The following HSF4 variants were observed in gnomAD, a reference collection of about 807,000 sequenced individuals.
HSF4 encodes the protein heat shock transcription factor 4.
A neutral mutation model predicts 52.0 loss-of-function variants in HSF4; 41 were observed. That is an observed-to-expected ratio of 0.79 (90% confidence interval 0.61 to 1.02). The LOEUF (loss-of-function observed/expected upper bound fraction) is 1.02, where lower values mean the gene tolerates loss of function less well. Ranked by LOEUF, HSF4 falls within the 50% of genes least tolerant of loss-of-function variation. The pLI is 0.00. For synonymous variants in HSF4, 285 were observed against 273.0 expected (o/e 1.04, Z -0.43); for missense variants, 610 against 651.1 (o/e 0.94, Z 0.69).
At chr16:67,167,260 T>C (rs1271016400) in intron 7 of HSF4, 38 bp downstream of exon 7, 1 of 1,613,662 alleles carries the variant, frequency 6.2e-7, no homozygotes, top group Admixed American at 1.7e-5. Flanking sequence ...AGGGCATGGC[T>C]GGGCTTATGG....
chr16:67,167,621 CT>C (rs771579553), intron 8 of HSF4, 22 bp downstream of exon 8: 11 of 1,612,670 alleles, frequency 6.8e-6, no homozygotes, highest in Non-Finnish European at 9.3e-6. Context: ...AGGGCTGCCC[CT>C]GAGGGGCCTG....
rs777675848 is a variant in HSF4, at chr16:67,165,520, A to G, written c.124-2A>G. On this transcript the variant is annotated splice_acceptor_variant, in intron 1 of 12. Transcript: ENST00000521374. LOFTEE classifies it high-confidence loss of function. This position sits in a 1 kb window ranked among gnomAD's most constrained non-coding sequence, Gnocchi z 6.9. Reference sequence around the variant, plus strand: ...ACGGTGGGCGGGCGGCGTTCTTGGTAGAGCGGGACCAGTTTCCTCGTAAGC... The same window carrying G: ...ACGGTGGGCGGGCGGCGTTCTTGGTGGAGCGGGACCAGTTTCCTCGTAAGC... 1 of 1,611,416 alleles carries G rather than the reference A, an allele frequency of 6.2e-7. No individual in the cohort carries two copies. The highest frequency in any genetic ancestry group is 2.2e-5 in the East Asian group (1 of 44,794).
chr16:67,167,885 C>G lies in HSF4; in HGVS notation c.1020C>G (p.Ser340Arg), dbSNP rs1310541611. Residue 340 changes from serine to arginine, a missense_variant, in exon 9 of 13, where the codon AGC becomes AGG. Ser to Arg is a moderately radical substitution (Grantham distance 110). Coordinates refer to ENST00000521374, the MANE Select transcript of HSF4 (RefSeq NM_001374675.1). The stretch of plus-strand genomic sequence containing the variant: ...TCCTGGAAGGGAAAGGGAGCTTCAG[C>G]CCCGAGGGGCCCAGGAATGCCCAAC... The part of the protein sequence containing the change: ...QAILEGKGSF[S>R]PEGPRNAQQP... 3 of 1,605,892 alleles carry G rather than the reference C, an allele frequency of 1.9e-6. No homozygotes were observed. Among genetic ancestry groups the G allele is most frequent in the Non-Finnish European group, 8.5e-7 (1 of 1,177,720 alleles).
At position 67,165,849 on chromosome 16, in the gene HSF4, G is replaced by C. The variant is rs749340564; in HGVS notation, c.360+3G>C. The C allele has an allele frequency of 1.2e-6, 2 of 1,602,260 alleles. No homozygotes were observed. The highest frequency in any genetic ancestry group is 8.5e-7 in the Non-Finnish European group (1 of 1,178,868). ...TACTGGAGCGCGTGCGGCGCAAGGT[G>C]GGGGCGGCCTGCGGGAATGAGCAAA... On this transcript the variant is annotated splice_donor_region_variant and intron_variant, in intron 3 of 12. Transcript: ENST00000521374. The surrounding 1 kb of genome is among the most constrained non-coding windows in gnomAD (Gnocchi z 6.9).
In HSF4 at chr16:67,169,117, G is replaced by C. The variant is rs780725888; in HGVS notation, c.1254+16G>C. On this transcript the variant is annotated intron_variant, in intron 11 of 12. Transcript: ENST00000521374. The surrounding 1 kb of genome is among the most constrained non-coding windows in gnomAD (Gnocchi z 4.3). ...GCTGTCCTTGGTAAGAAGTGGGTCG[G>C]GGAGGGCAGAGGCCAGGGGTGGCTG... is the stretch of plus-strand genomic sequence containing the variant. 2 of 1,611,702 alleles carry C rather than the reference G, an allele frequency of 1.2e-6. No individual in the cohort carries two copies. The highest frequency in any genetic ancestry group is 8.5e-7 in the Non-Finnish European group (1 of 1,179,884).
chr16:67,169,369 T>A lies in HSF4; in HGVS notation c.1324+21T>A, dbSNP rs767418042. 6.2e-7 allele frequency: 1 copy of A among 1,609,192 alleles called. No individual in the cohort carries two copies. The highest frequency in any genetic ancestry group is 8.5e-7 in the Non-Finnish European group (1 of 1,177,838). On this transcript the variant is annotated intron_variant, in intron 12 of 12. Coordinates refer to ENST00000521374, the MANE Select transcript of HSF4 (RefSeq NM_001374675.1). The surrounding 1 kb of genome is among the most constrained non-coding windows in gnomAD (Gnocchi z 4.3). The stretch of plus-strand genomic sequence containing the variant: ...CCCAGGTAATGGTTGTGATGACTCC[T>A]ACCTGGGAGGACGCCGTGATTGGGC...
chr16:67,164,539 C>A, upstream of HSF4: 1 of 652,078 alleles, frequency 1.5e-6, no homozygotes, highest in East Asian at 3.0e-5. Context: ...GAACCCAAGT[C>A]TCCCACTCAT....
intron 9 of HSF4, 25 bp downstream of exon 9, chr16:67,167,972 T>C (rs771861690): frequency 6.5e-7 from 1 of 1,537,760 alleles, no homozygotes; most frequent in South Asian, 1.2e-5. Context: ...AGCTGGCCCA[T>C]GAGCCCTGTG....
Position 67,164,824 on chromosome 16 carries a change from C to A in HSF4, c.13C>A (p.Pro5Thr). Residue 5 changes from proline to threonine, a missense_variant, in exon 1 of 13, where the codon CCA (proline) becomes ACA (threonine). Physicochemically the swap from Pro to Thr is conservative, Grantham distance 38. Coordinates refer to ENST00000521374, the MANE Select transcript of HSF4 (RefSeq NM_001374675.1). ...CCGAGACTGCACCATGCAGGAAGCG[C>A]CAGCTGCGCTGCCCACGGAGCCAGG... MQEAPAALPTEPGPS... is the reference protein window; with the variant it reads MQEATAALPTEPGPS... 1 of 1,601,190 alleles carries A rather than the reference C, an allele frequency of 6.2e-7. No individual in the cohort carries two copies. The highest frequency in any genetic ancestry group is 1.7e-5 in the Admixed American group (1 of 59,690).
In HSF4 at chr16:67,167,190, G is replaced by A; in HGVS notation, c.697G>A (p.Ala233Thr). The A allele has an allele frequency of 2.5e-6, 4 of 1,614,174 alleles. No individual in the cohort carries two copies. Among genetic ancestry groups the A allele is most frequent in the South Asian group, 1.1e-5 (1 of 91,086 alleles). ...GTTCAACACCTGCCCTCTACCTGGT[G>A]CCCTTCTGCAGGACCCCTACTTCAT... is the stretch of plus-strand genomic sequence containing the variant. ...AKFNTCPLPGALLQDPYFIQS... is the reference protein window; with the variant it reads ...AKFNTCPLPGTLLQDPYFIQS... Residue 233 changes from alanine to threonine, a missense_variant, in exon 7 of 13, where the codon GCC (alanine) becomes ACC (threonine). Physicochemically the swap from Ala to Thr is moderately conservative, Grantham distance 58. Transcript: ENST00000521374.
intron 5 of HSF4, 76 bp downstream of exon 5, chr16:67,166,471 C>T: frequency 1.3e-6 from 2 of 1,595,796 alleles, no homozygotes; most frequent in South Asian, 2.2e-5. Context: ...CCCCGGCGCC[C>T]CTGTTAAGCC....
intron 4 of HSF4, 96 bp downstream of exon 4, chr16:67,166,166 C>A: frequency 7.0e-7 from 1 of 1,421,736 alleles, no homozygotes; most frequent in Non-Finnish European, 9.6e-7. Flanking sequence ...CCCTTCCTCT[C>A]TCCTGCCTTG....
rs760450511 is a variant in HSF4, at chr16:67,166,407, C to T, written c.561+12C>T. The T allele has an allele frequency of 1.9e-6, 3 of 1,606,386 alleles. No individual in the cohort carries two copies. The highest frequency in any genetic ancestry group is 1.7e-6 in the Non-Finnish European group (2 of 1,176,156). On this transcript the variant is annotated intron_variant, in intron 5 of 12. Transcript: ENST00000521374. Reference sequence around the variant, plus strand: ...GGGTCATTGGCAAGGTGTTCCTCTCCCCAAGCCTCGCTTCTCCCTCCCACT... The same window carrying T: ...GGGTCATTGGCAAGGTGTTCCTCTCTCCAAGCCTCGCTTCTCCCTCCCACT...
At position 67,166,365 on chromosome 16, in the gene HSF4, C is replaced by T. The variant is rs765709564; in HGVS notation, c.531C>T (p.Ser177=). The change falls in exon 5 of 13, where the codon AGC becomes AGT. Residue 177 remains serine (S), a synonymous_variant. Transcript: ENST00000521374. ...LWREVVTLRQ[S]HGQQHRVIGK... is the part of the protein sequence containing the mutation. ...GGGAGGTGGTGACACTTCGGCAGAG[C>T]CACGGTCAGCAGCACCGGGTCATTG... is the stretch of plus-strand genomic sequence containing the variant. 1.2e-6 allele frequency: 2 copies of T among 1,609,266 alleles called. No individual in the cohort carries two copies. The highest frequency in any genetic ancestry group is 1.1e-5 in the South Asian group (1 of 90,296).
upstream of HSF4, chr16:67,163,844 C>A: frequency 6.6e-7 from 1 of 1,526,650 alleles, no homozygotes; most frequent in Non-Finnish European, 8.7e-7. Flanking sequence ...CTCCCCCGTC[C>A]CCGTGGACGT....
At position 67,169,678 on chromosome 16, in the gene HSF4, G is replaced by T; in HGVS notation, c.1372G>T (p.Ala458Ser). The stretch of plus-strand genomic sequence containing the variant: ...CCCACTCCTGCTGGATGTCCAGGCG[G>T]CCTTGGGAGGCCCAGCCCTGGGCCT... The part of the protein sequence containing the change: ...GAPLLLDVQA[A>S]LGGPALGLPG... The change falls in exon 13 of 13, where the codon GCC becomes TCC. Residue 458 changes from alanine (A) to serine (S), a missense_variant. Physicochemically the swap from Ala to Ser is moderately conservative, Grantham distance 99. Transcript: ENST00000521374. This position sits in a 1 kb window ranked among gnomAD's most constrained non-coding sequence, Gnocchi z 4.3. The T allele has an allele frequency of 2.5e-6, 4 of 1,612,246 alleles. No individual in the cohort carries two copies. Among genetic ancestry groups the T allele is most frequent in the Non-Finnish European group, 2.5e-6 (3 of 1,179,996 alleles).
Position 67,169,235 on chromosome 16 carries a change from C to G in HSF4, c.1255-44C>G. On this transcript the variant is annotated intron_variant, in intron 11 of 12. Coordinates refer to ENST00000521374, the MANE Select transcript of HSF4 (RefSeq NM_001374675.1). This position sits in a 1 kb window ranked among gnomAD's most constrained non-coding sequence, Gnocchi z 4.3. The stretch of plus-strand genomic sequence containing the variant: ...GTGATTTCCCAGCTGTCCCCCTCAG[C>G]TGCTAGGTCCCCTCCCCAGCTGCTC... The G allele has an allele frequency of 2.5e-6, 4 of 1,611,720 alleles. No homozygotes were observed. Among genetic ancestry groups the G allele is most frequent in the Non-Finnish European group, 3.4e-6 (4 of 1,179,482 alleles).
In HSF4 at chr16:67,165,798, G is replaced by A. The variant is rs1425904372; in HGVS notation, c.312G>A (p.Pro104=). Residue 104 remains proline, a synonymous_variant, in exon 3 of 13, where the codon CCG becomes CCA. Coordinates refer to ENST00000521374, the MANE Select transcript of HSF4 (RefSeq NM_001374675.1). This position sits in a 1 kb window ranked among gnomAD's most constrained non-coding sequence, Gnocchi z 6.9. ...PERDHVEFQH[P]SFVRGREQLL... Reference sequence around the variant, plus strand: ...GCGACCACGTCGAGTTCCAGCACCCGAGCTTCGTGCGCGGCCGCGAGCAGC... The same window carrying A: ...GCGACCACGTCGAGTTCCAGCACCCAAGCTTCGTGCGCGGCCGCGAGCAGC... 2.5e-6 allele frequency: 4 copies of A among 1,609,072 alleles called. No homozygotes were observed. In the South Asian group the frequency reaches 3.3e-5, roughly 13 times the overall value.
In HSF4 at chr16:67,165,186, A is replaced by G. The variant is rs1345288472; in HGVS notation, c.123+252A>G. 1 of 591,858 alleles carries G rather than the reference A, an allele frequency of 1.7e-6. No homozygotes were observed. Among genetic ancestry groups the G allele is most frequent in the Admixed American group, 3.0e-5 (1 of 33,524 alleles). The allele number at this position is 591,858 out of a possible 1,614,324, so 36.7% of individuals were successfully genotyped here. A position where few individuals can be genotyped will look rare whatever the true frequency, so the allele number is the denominator to read the frequency against. On this transcript the variant is annotated intron_variant, in intron 1 of 12. Transcript: ENST00000521374. This position sits in a 1 kb window ranked among gnomAD's most constrained non-coding sequence, Gnocchi z 6.9. ...GGCCATTTAGTTCCCACCCTACCCC[A>G]TCCGACAGATGGGAAAACAGAGGCC...
Sources: allele counts gnomAD v4.1 joint callset, GRCh38; gene constraint gnomAD v4.1.1; non-coding constraint Gnocchi (gnomAD v3.1); transcripts MANE v1.5; gene names NCBI Gene and HGNC (gene_info 2026-07-23, HGNC 2026-07-21).